Variants in SIAH3 observed in about 807,000 individuals in gnomAD.
SIAH3 encodes siah E3 ubiquitin protein ligase family member 3.
A neutral mutation model predicts 12.6 loss-of-function variants in SIAH3; 9 were observed. The ratio of observed to expected loss-of-function variants is 0.72; its 90% CI spans 0.43 to 1.25. The LOEUF is 1.25. SIAH3 is among the 50% of genes most tolerant of loss of function. SIAH3 has a pLI of 0.00. For missense variants in SIAH3, 390 were observed against 365.4 expected, an observed-to-expected ratio of 1.07 and a Z score of -0.55; for synonymous variants, 154 against 151.1, an observed-to-expected ratio of 1.02 and a Z score of -0.14.
chr13:45,792,570 C>T (rs543143877), intron 1 of SIAH3, among the ~76,000 whole-genome samples: 40 of 152,104 alleles, frequency 2.6e-4, no homozygotes, highest in Non-Finnish European at 4.7e-4. Flanking sequence ...GTTGGCCGGG[C>T]TGGTCTCGAA....
In SIAH3 at chr13:45,778,990, G is replaced by C. The variant is rs910591284; in HGVS notation, c.*4393C>G. 6.6e-6 allele frequency: 1 copy of C among 152,162 alleles called. No individual in the cohort carries two copies. Among genetic ancestry groups the C allele is most frequent in the South Asian group, 2.1e-4 (1 of 4,830 alleles). 9.4% of individuals were successfully genotyped at this position (152,162 alleles called of 1,614,324 possible). On this transcript the variant is annotated 3_prime_UTR_variant, in exon 2 of 2. Transcript: ENST00000400405. ...CTGAGGGATGATTATACTGTTAAGT[G>C]CTTAACAACTGGCTTTCTAGGGAGA...
chr13:45,819,273 A>G (rs112092991), intron 1 of SIAH3, among the ~76,000 whole-genome samples: 2 of 152,306 alleles, frequency 1.3e-5, no homozygotes, highest in African/African-American at 4.8e-5. Context: ...TACGTGAGCC[A>G]TTGTTTTTGA....
rs77533120 is a variant in SIAH3 at position 45,841,063 on chromosome 13, C to T, written c.135+10432G>A. Among the ~76,000 whole-genome samples the T allele has an allele frequency of 3.0e-4, 46 of 152,198 alleles. No homozygotes were observed. The East Asian group carries it at 5.4e-3, about 18-fold the overall frequency. ...GTTTTTATTGTGTGTGTAACTAATA[C>T]GGTAGAAAACTATTATCAGGGTTTC... On this transcript the variant is annotated intron_variant, in intron 1 of 1. Coordinates refer to ENST00000400405, the MANE Select transcript of SIAH3 (RefSeq NM_198849.3).
At chr13:45,814,732 C>CTTTTTTTTTTTTTTTTTTTTT (rs11386908) in intron 1 of SIAH3, among the ~76,000 whole-genome samples, 1 of 146,718 alleles carries the variant, frequency 6.8e-6, no homozygotes, top group African/African-American at 2.6e-5. Context: ...TTTGCCATTA[C>CTTTTTTTTTTTTTTTTTTTTT]TTTTTTTTTT....
At chr13:45,845,571 C>T (rs1950756583) in intron 1 of SIAH3, among the ~76,000 whole-genome samples, 1 of 152,122 alleles carries the variant, frequency 6.6e-6, no homozygotes. Flanking sequence ...CCCCATGCTA[C>T]AGTTGTTAGT....
chr13:45,823,602 T>C (rs1027789936), intron 1 of SIAH3, among the ~76,000 whole-genome samples: 5 of 152,224 alleles, frequency 3.3e-5, no homozygotes, highest in Non-Finnish European at 7.3e-5. Context: ...ACTCCATCTA[T>C]TCTGTGATTC....
chr13:45,801,326 T>A (rs1950581788), intron 1 of SIAH3, among the ~76,000 whole-genome samples: 1 of 151,870 alleles, frequency 6.6e-6, no homozygotes, highest in Admixed American at 6.6e-5. Flanking sequence ...GGATGAGAGG[T>A]GAGCACTCCT....
chr13:45,786,239 C>A (rs1428797837), intron 1 of SIAH3, among the ~76,000 whole-genome samples: 2 of 152,170 alleles, frequency 1.3e-5, no homozygotes, highest in Non-Finnish European at 1.5e-5. Flanking sequence ...CAGGCAACTT[C>A]TTCTCCTATA....
chr13:45,830,062 C>T (rs928999844), intron 1 of SIAH3, among the ~76,000 whole-genome samples: 4 of 152,064 alleles, frequency 2.6e-5, no homozygotes, highest in Non-Finnish European at 5.9e-5. Context: ...ATTTTTCTTC[C>T]TATCTTGATA....
At position 45,779,392 on chromosome 13, in the gene SIAH3, G is replaced by A. The variant is rs530418062; in HGVS notation, c.*3991C>T. On this transcript the variant is annotated 3_prime_UTR_variant, in exon 2 of 2. Transcript: ENST00000400405. ...AGCTCTAGTACTCCACTAGGTCTTG[G>A]GTTGAAAAAAGAGGGAGAAAAAGGG... 3 of 152,168 alleles carry A rather than the reference G, an allele frequency of 2.0e-5. No individual in the cohort carries two copies. The South Asian group carries it at 6.2e-4, about 32-fold the overall frequency. The allele number at this position is 152,168 out of a possible 1,614,324, so 9.4% of individuals were successfully genotyped here.
chr13:45,804,762 A>C (rs1169940783), intron 1 of SIAH3, among the ~76,000 whole-genome samples: 1 of 152,142 alleles, frequency 6.6e-6, no homozygotes, highest in Admixed American at 6.6e-5. Context: ...AAACAGGAAA[A>C]TAAGTAGTCC....
At chr13:45,810,930 C>T (rs1004513472) in intron 1 of SIAH3, among the ~76,000 whole-genome samples, 1 of 152,142 alleles carries the variant, frequency 6.6e-6, no homozygotes, top group Non-Finnish European at 1.5e-5. Flanking sequence ...TGCTTGCATA[C>T]CCATATCTGT....
chr13:45,828,938 CTA>C (rs1027544870), intron 1 of SIAH3, among the ~76,000 whole-genome samples: 2 of 137,094 alleles, frequency 1.5e-5, no homozygotes, highest in East Asian at 2.0e-4. Context: ...AGAATTAACT[CTA>C]TTTTTTTTTT....
chr13:45,783,814 G>T lies in SIAH3; in HGVS notation c.379C>A (p.Leu127Met). 6.2e-7 allele frequency: 1 copy of T among 1,614,224 alleles called. No individual in the cohort carries two copies. The highest frequency in any genetic ancestry group is 8.5e-7 in the Non-Finnish European group (1 of 1,180,042). Reference sequence around the variant, plus strand: ...ATGTCAACCCTATGGATCTGCCGCAGGTGGGGCACCACCACCTCCAGGCGG... The same window carrying T: ...ATGTCAACCCTATGGATCTGCCGCATGTGGGGCACCACCACCTCCAGGCGG... Reference protein sequence around the residue: ...EGRLEVVVPHLRQIHRVDILQ... With the variant: ...EGRLEVVVPHMRQIHRVDILQ... The change falls in exon 2 of 2, where the codon CTG becomes ATG. Residue 127 changes from leucine to methionine, a missense_variant. Coordinates refer to ENST00000400405, the MANE Select transcript of SIAH3 (RefSeq NM_198849.3).
At position 45,799,272 on chromosome 13, in the gene SIAH3, G is replaced by A. The variant is rs561469004; in HGVS notation, c.136-15215C>T. 3.9e-5 allele frequency among the ~76,000 whole-genome samples: 6 copies of A among 152,316 alleles called. No individual in the cohort carries two copies. The East Asian group carries it at 1.2e-3, about 29-fold the overall frequency. ...GGTCCAGGTCTTCCACTCCTTATATGACCAAGGATAGTTCCTTTCACTTTT... is the reference window on the plus strand; with the variant it reads ...GGTCCAGGTCTTCCACTCCTTATATAACCAAGGATAGTTCCTTTCACTTTT... On this transcript the variant is annotated intron_variant, in intron 1 of 1. Transcript: ENST00000400405.
chr13:45,784,096 C>A (rs766852593), intron 1 of SIAH3, 39 bp from the exon 2 acceptor site: 1 of 1,518,822 alleles, frequency 6.6e-7, no homozygotes, highest in Non-Finnish European at 8.9e-7. Context: ...GGGGATGAGG[C>A]CCACTCTCCC....
chr13:45,792,585 T>C (rs1950549575), intron 1 of SIAH3, among the ~76,000 whole-genome samples: 1 of 152,168 alleles, frequency 6.6e-6, no homozygotes, highest in African/African-American at 2.4e-5. Context: ...CTCGAACTAC[T>C]GGCCTCAAGT....
chr13:45,822,597 C>T (rs1950660047), intron 1 of SIAH3, among the ~76,000 whole-genome samples: 1 of 134,374 alleles, frequency 7.4e-6, no homozygotes, highest in Admixed American at 8.4e-5. Flanking sequence ...ATAATGATTG[C>T]CTCTGGGCAG....
chr13:45,826,429 A>G (rs367557719), intron 1 of SIAH3, among the ~76,000 whole-genome samples: 4,073 of 4,458 alleles, frequency 0.91, 1,969 homozygotes, highest in Admixed American at 0.94. Context: ...GGATGGATGG[A>G]TGAATGGATG....
Sources: allele counts gnomAD v4.1 joint callset (sites outside exome capture counted in the v4.1 genomes callset), GRCh38; gene constraint gnomAD v4.1.1; transcripts MANE v1.5; gene names NCBI Gene and HGNC (gene_info 2026-07-23, HGNC 2026-07-21).